CFAP65: variants seen among roughly 807,000 people sequenced by gnomAD.
CFAP65 encodes the protein cilia and flagella associated protein 65, also known as cilia- and flagella-associated protein 65.
Under a neutral mutation model 208.0 loss-of-function variants are expected in CFAP65, and 155 were observed. That is an observed-to-expected ratio of 0.75 (90% CI 0.65 to 0.85). The LOEUF (loss-of-function observed/expected upper bound fraction) is 0.85, where lower values mean the gene tolerates loss of function less well. Ranked by LOEUF, CFAP65 falls within the 40% of genes least tolerant of loss-of-function variation. The probability of loss-of-function intolerance (pLI) is 0.00; values close to 1 mark genes in which losing one functional copy is unlikely to be tolerated. For missense variants in CFAP65, 2,294 were observed against 2,451.3 expected (o/e 0.94, Z 1.36); for synonymous variants, 970 against 986.3 (o/e 0.98, Z 0.31).
chr2:219,024,953 AAAGT>A (rs1398046353), intron 14 of CFAP65, among the ~76,000 whole-genome samples: 2 of 152,152 alleles, frequency 1.3e-5, no homozygotes, highest in Non-Finnish European at 2.9e-5. Context: ...ACAAAATAAA[AAAGT>A]AAGTAACCCC....
Position 219,038,961 on chromosome 2 carries a change from T to A in CFAP65, c.88A>T (p.Ile30Phe). Residue 30 changes from isoleucine to phenylalanine, a missense_variant, in exon 3 of 35, where the codon ATT becomes TTT. Physicochemically the swap from Ile to Phe is conservative, Grantham distance 21 (BLOSUM62 0). Around this residue, in one of 2 missense-constraint regions of CFAP65, gnomAD observed 867 missense variants for 1,012.6 expected, o/e 0.86. Coordinates refer to ENST00000341552, the MANE Select transcript of CFAP65 (RefSeq NM_194302.4). ...SVSFASSFPL[I>F]PLLLRGKSVQ... is the part of the protein sequence containing the mutation. ...CTCTTGCCTCTTAGGAGAAGAGGAA[T>A]AAGGGGGAAAGAAGAGGCAAATGAG... 3 of 1,613,946 alleles carry A rather than the reference T, an allele frequency of 1.9e-6. No homozygotes were observed. The highest frequency in any genetic ancestry group is 2.5e-6 in the Non-Finnish European group (3 of 1,179,916).
rs1481828479 is a variant in CFAP65 at position 219,030,747 on chromosome 2, C to G, written c.1103G>C (p.Gly368Ala). The change falls in exon 9 of 35, where the codon GGC becomes GCC. Residue 368 changes from glycine (G) to alanine (A), a missense_variant. By Grantham distance (60) the Gly-to-Ala change is moderately conservative. Transcript: ENST00000341552. ...CGAGGTGCAGCCCACAGCAACAGAG[C>G]CAAAGTACAACAGCTTCTGGAAGCC... Reference protein sequence around the residue: ...AEGFQKLLYFGSVAVGCTSER... With the variant: ...AEGFQKLLYFASVAVGCTSER... 1 of 1,614,190 alleles carries G rather than the reference C, an allele frequency of 6.2e-7. No homozygotes were observed. Among genetic ancestry groups the G allele is most frequent in the Non-Finnish European group, 8.5e-7 (1 of 1,180,026 alleles).
Position 219,013,971 on chromosome 2 carries a change from CA to C in CFAP65, c.3675del (p.Glu1226SerfsTer22), listed in dbSNP as rs1473778643. The C allele has an allele frequency of 6.2e-7, 1 of 1,613,452 alleles. No individual in the cohort carries two copies. Among genetic ancestry groups the C allele is most frequent in the Non-Finnish European group, 8.5e-7 (1 of 1,179,832 alleles). On this transcript the variant is annotated frameshift_variant, in exon 22 of 35. Coordinates refer to ENST00000341552, the MANE Select transcript of CFAP65 (RefSeq NM_194302.4). LOFTEE classifies it high-confidence loss of function. ...LWAEQAELNS[T>X]ELHQMRVQDN... is the part of the protein sequence containing the mutation. ...TCCTGCACGCGCATCTGGTGGAGCTCAGTGGAATTCAACTCTGCTTGCTCTG... is the reference window on the plus strand; with the variant it reads ...TCCTGCACGCGCATCTGGTGGAGCTCGTGGAATTCAACTCTGCTTGCTCTG...
At position 219,028,191 on chromosome 2, in the gene CFAP65, G is replaced by C; in HGVS notation, c.1851+10C>G. ...AGAGAAGGGATATGCAGCTGGGGAG[G>C]GCACTGTACCTGGATGGGAATCATG... On this transcript the variant is annotated intron_variant, in intron 12 of 34. Transcript: ENST00000341552. 1.9e-6 allele frequency: 3 copies of C among 1,612,958 alleles called. No individual in the cohort carries two copies. The highest frequency in any genetic ancestry group is 2.5e-6 in the Non-Finnish European group (3 of 1,179,194).
chr2:219,010,623 C>G lies in CFAP65; in HGVS notation c.4231G>C (p.Gly1411Arg), dbSNP rs760533905. 1 of 1,612,140 alleles carries G rather than the reference C, an allele frequency of 6.2e-7. No homozygotes were observed. Among genetic ancestry groups the G allele is most frequent in the South Asian group, 1.1e-5 (1 of 90,804 alleles). ...ATGTTGTGGAATGGGGCTGTGTCCCCCATCATATGGGGGTTGTAGCCCACT... is the reference window on the plus strand; with the variant it reads ...ATGTTGTGGAATGGGGCTGTGTCCCGCATCATATGGGGGTTGTAGCCCACT... ...QGVGYNPHMM[G>R]DTAPFHNISS... The change falls in exon 26 of 35, where the codon GGG becomes CGG. Residue 1411 changes from glycine to arginine, a missense_variant. By Grantham distance (125) the Gly-to-Arg change is moderately radical (BLOSUM62 -2). Around this residue, in one of 2 missense-constraint regions of CFAP65, gnomAD observed 1,427 missense variants for 1,438.7 expected, o/e 0.99. Coordinates refer to ENST00000341552, the MANE Select transcript of CFAP65 (RefSeq NM_194302.4).
intron 11 of CFAP65, 71 bp from the exon 12 acceptor site, chr2:219,028,472 C>T (rs1947807804): frequency 7.4e-6 from 10 of 1,359,848 alleles, no homozygotes; most frequent in Non-Finnish European, 9.4e-6. Context: ...GGGGGTTGAA[C>T]TGAGGACAGA....
intron 1 of CFAP65, among the ~76,000 whole-genome samples, chr2:219,041,219 C>T (rs1948639000): frequency 6.6e-6 from 1 of 152,200 alleles, no homozygotes; most frequent in Admixed American, 6.5e-5. Flanking sequence ...GAAAAAGTGG[C>T]AGGTCGTCGT....
Position 219,016,009 on chromosome 2 carries a change from A to G in CFAP65, c.3603-1965T>C, listed in dbSNP as rs138732395. Among the ~76,000 whole-genome samples the G allele has an allele frequency of 1.1e-3, 173 of 152,276 alleles. 1 individual carries two copies. Among genetic ancestry groups the G allele is most frequent in the African/African-American group, 4.0e-3 (168 of 41,544 alleles). ...AAGGAAAGAGAACCGCTCTGTAAAT[A>G]TGTGCGTGTCTGTATGTTGTGCAAA... On this transcript the variant is annotated intron_variant, in intron 21 of 34. Coordinates refer to ENST00000341552, the MANE Select transcript of CFAP65 (RefSeq NM_194302.4).
rs73089099 is a variant in CFAP65, at chr2:219,008,743, T to A, written c.4674+304A>T. The stretch of plus-strand genomic sequence containing the variant: ...AGTGAGACTCTGTCTCAAAAAAAAA[T>A]AAAAATAAAAATAAAATGTGAGCTC... On this transcript the variant is annotated intron_variant, in intron 29 of 34. Coordinates refer to ENST00000341552, the MANE Select transcript of CFAP65 (RefSeq NM_194302.4). Among the ~76,000 whole-genome samples, 365 of 151,724 alleles carry A rather than the reference T, an allele frequency of 2.4e-3. 1 individual carries two copies. The highest frequency in any genetic ancestry group is 7.6e-3 in the African/African-American group (314 of 41,320).
chr2:219,033,543 GAAAA>G (rs1222527405), intron 5 of CFAP65: 148 of 151,464 alleles, frequency 9.8e-4, no homozygotes, highest in African/African-American at 3.5e-3. Flanking sequence ...AGAAAAGAAA[GAAAA>G]AAAAGAAAGA....
Position 219,023,356 on chromosome 2 carries a change from T to C in CFAP65, c.2671A>G (p.Thr891Ala), listed in dbSNP as rs770094898. The C allele has an allele frequency of 6.2e-7, 1 of 1,609,126 alleles. No homozygotes were observed. Among genetic ancestry groups the C allele is most frequent in the African/African-American group, 1.3e-5 (1 of 74,896 alleles). ...CTGGTGGAGGAGCAGCCCACCCAGG[T>C]GGGCTTGAAGTAGAGGCTTTTGTGG... is the stretch of plus-strand genomic sequence containing the variant. ...DTHKSLYFKP[T>A]WVGCSSTSPF... is the part of the protein sequence containing the mutation. Residue 891 changes from threonine to alanine, a missense_variant, in exon 16 of 35, where the codon ACC (threonine) becomes GCC (alanine). Transcript: ENST00000341552.
chr2:219,024,472 G>GGAGAC (rs1233784591), intron 14 of CFAP65, among the ~76,000 whole-genome samples: 31 of 124,708 alleles, frequency 2.5e-4, no homozygotes, highest in African/African-American at 1.1e-3. Context: ...CTCCAGAAAG[G>GGAGAC]GGCGGGGGGG....
Position 219,031,584 on chromosome 2 carries a change from G to A in CFAP65, c.720C>T (p.Pro240=), listed in dbSNP as rs1440414698. 4 of 1,614,244 alleles carry A rather than the reference G, an allele frequency of 2.5e-6. No individual in the cohort carries two copies. Among genetic ancestry groups the A allele is most frequent in the East Asian group, 2.2e-5 (1 of 44,892 alleles). Residue 240 remains proline, a synonymous_variant, in exon 7 of 35, where the codon CCC becomes CCT. Coordinates refer to ENST00000341552, the MANE Select transcript of CFAP65 (RefSeq NM_194302.4). This position sits in a 1 kb window ranked among gnomAD's most constrained non-coding sequence, Gnocchi z 5.2. ...MFCVGLRATL[P]CHRLICRPPS... ...GTGGGCGGCAGATCAGCCTGTGGCA[G>A]GGCAGGGTGGCCCGTAGGCCGACAC...
chr2:219,027,554 C>A (rs753549513), intron 13 of CFAP65, 96 bp downstream of exon 13: 235 of 1,612,832 alleles, frequency 1.5e-4, no homozygotes, highest in Non-Finnish European at 1.9e-4. Context: ...GAGGATGGAG[C>A]CTGAAGCTGC....
chr2:219,003,160 C>G lies in CFAP65; in HGVS notation c.5668G>C (p.Ala1890Pro), dbSNP rs1213247259. The change falls in exon 34 of 35, where the codon GCC (alanine) becomes CCC (proline). Residue 1890 changes from alanine to proline, a missense_variant. Physicochemically the swap from Ala to Pro is conservative, Grantham distance 27. Transcript: ENST00000341552. The surrounding 1 kb of genome is among the most constrained non-coding windows in gnomAD (Gnocchi z 4.4). Reference sequence around the variant, plus strand: ...CTGGGCACGCAGAACGGCGGCAGGGCGATGACGCGTGGCCGCGAGGTGAGT... The same window carrying G: ...CTGGGCACGCAGAACGGCGGCAGGGGGATGACGCGTGGCCGCGAGGTGAGT... The part of the protein sequence containing the change: ...VVLTSRPRVI[A>P]LPPFCVPRSL... 3.2e-6 allele frequency: 5 copies of G among 1,544,622 alleles called. No individual in the cohort carries two copies. Among genetic ancestry groups the G allele is most frequent in the African/African-American group, 1.4e-5 (1 of 72,898 alleles).
intron 32 of CFAP65, 100 bp downstream of exon 32, chr2:219,005,334 T>C (rs188868420): frequency 1.2e-4 from 177 of 1,508,138 alleles, no homozygotes; most frequent in Non-Finnish European, 1.4e-4. Context: ...CCAAGTTCTA[T>C]TTCTCAAGAA....
Position 219,031,925 on chromosome 2 carries a change from CTTTTTT to C in CFAP65, c.646-273_646-268del, listed in dbSNP as rs5838715. Among the ~76,000 whole-genome samples, 3 of 131,382 alleles carry C rather than the reference CTTTTTT, an allele frequency of 2.3e-5. No individual in the cohort carries two copies. The highest frequency in any genetic ancestry group is 2.8e-5 in the African/African-American group (1 of 35,470). 86.2% of individuals were successfully genotyped at this position (131,382 alleles called of 152,430 possible). A position where few individuals can be genotyped will look rare whatever the true frequency, so the allele number is the denominator to read the frequency against. On this transcript the variant is annotated intron_variant, in intron 6 of 34. Transcript: ENST00000341552. This position sits in a 1 kb window ranked among gnomAD's most constrained non-coding sequence, Gnocchi z 5.2. ...ATGTAGAAGGGGTTTCTTTTCTTTTCTTTTTTTTTTTTTTTTTTTGAGTCTCGCTCT... is the reference window on the plus strand; with the variant it reads ...ATGTAGAAGGGGTTTCTTTTCTTTTCTTTTTTTTTTTTTGAGTCTCGCTCT...
chr2:219,032,346 T>C lies in CFAP65; in HGVS notation c.645+124A>G, dbSNP rs1432492695. On this transcript the variant is annotated intron_variant, in intron 6 of 34. Transcript: ENST00000341552. The surrounding 1 kb of genome is among the most constrained non-coding windows in gnomAD (Gnocchi z 5.5). ...CCTTGACGGGGCCTCCCAAGCTGGA[T>C]TGCTGCTGGAGCGGGCAGCATGTGT... The C allele has an allele frequency of 1.3e-6, 1 of 762,478 alleles. No homozygotes were observed. Among genetic ancestry groups the C allele is most frequent in the Non-Finnish European group, 2.1e-6 (1 of 478,638 alleles). 47.2% of individuals were successfully genotyped at this position (762,478 alleles called of 1,614,324 possible).
rs1202780307 is a variant in CFAP65, at chr2:219,003,259, C to G, written c.5569G>C (p.Ala1857Pro). The change falls in exon 34 of 35, where the codon GCC (alanine) becomes CCC (proline). Residue 1857 changes from alanine to proline, a missense_variant. By Grantham distance (27) the Ala-to-Pro change is conservative (BLOSUM62 -1). Coordinates refer to ENST00000341552, the MANE Select transcript of CFAP65 (RefSeq NM_194302.4). The surrounding 1 kb of genome is among the most constrained non-coding windows in gnomAD (Gnocchi z 4.4). Reference sequence around the variant, plus strand: ...TCCAGCAGCGCCTCCTGCAGGTTGGCGAAGGCCGGGAGCCTGCGAGGGGGC... The same window carrying G: ...TCCAGCAGCGCCTCCTGCAGGTTGGGGAAGGCCGGGAGCCTGCGAGGGGGC... ...KEAIRRLPAF[A>P]NLQEALLENM... 6.5e-7 allele frequency: 1 copy of G among 1,541,784 alleles called. No homozygotes were observed. The highest frequency in any genetic ancestry group is 2.5e-5 in the East Asian group (1 of 40,740).
Sources: gnomAD v4.1 joint callset for allele counts (sites outside exome capture counted in the v4.1 genomes callset) on GRCh38, gnomAD v4.1.1 for gene constraint, gnomAD v4.1.1 regional missense constraint, Gnocchi (gnomAD v3.1) non-coding constraint, MANE v1.5 for transcripts, NCBI Gene and HGNC (gene_info 2026-07-23, HGNC 2026-07-21) for gene names.